Variants in FUT9 observed in about 807,000 individuals in gnomAD.
FUT9 encodes the protein 4-galactosyl-N-acetylglucosaminide 3-alpha-L-fucosyltransferase 9.
FUT9 carries 15 observed loss-of-function variants against 29.7 expected under a neutral mutation model. The observed-to-expected ratio is 0.51, with a 90% CI of 0.34 to 0.78. FUT9 has a LOEUF of 0.78. FUT9 is among the 30% of genes least tolerant of loss of function. The pLI is 0.01. For missense variants in FUT9, 319 were observed against 425.4 expected (o/e 0.75, Z 2.20); for synonymous variants, 169 against 153.7 (o/e 1.10, Z -0.74).
chr6:96,173,090 C>T (rs1773142462), intron 2 of FUT9, among the ~76,000 whole-genome samples: 1 of 152,062 alleles, frequency 6.6e-6, no homozygotes, highest in African/African-American at 2.4e-5. Context: ...AGTAATTACA[C>T]AGACACACAT....
chr6:96,086,268 G>A (rs547055907), intron 1 of FUT9, among the ~76,000 whole-genome samples: 8 of 152,164 alleles, frequency 5.3e-5, no homozygotes, highest in South Asian at 2.1e-4. Context: ...TGTTCCTTCC[G>A]TTTGCATTTA....
At chr6:96,084,759 C>G (rs1771288907) in intron 1 of FUT9, among the ~76,000 whole-genome samples, 2 of 152,250 alleles carry the variant, frequency 1.3e-5, no homozygotes, top group South Asian at 4.1e-4. Flanking sequence ...ACTTAGCACA[C>G]TATGGTCTTC....
intron 2 of FUT9, among the ~76,000 whole-genome samples, chr6:96,175,418 G>A (rs1012309263): frequency 1.3e-5 from 2 of 152,098 alleles, no homozygotes; most frequent in Admixed American, 6.6e-5. Flanking sequence ...GCTAATAAAT[G>A]TGTAAGCTAT....
chr6:96,035,250 A>C (rs1770329485), intron 1 of FUT9, among the ~76,000 whole-genome samples: 1 of 151,570 alleles, frequency 6.6e-6, no homozygotes, highest in South Asian at 2.1e-4. Flanking sequence ...GGACAAAGTC[A>C]GAGAGAGAGA....
intron 1 of FUT9, among the ~76,000 whole-genome samples, chr6:96,088,597 G>T (rs980683181): frequency 2.6e-5 from 4 of 151,312 alleles, no homozygotes; most frequent in African/African-American, 9.7e-5. Context: ...ATATTGGATA[G>T]TTTCTATTGT....
At chr6:96,135,431 A>C (rs1217889512) in intron 2 of FUT9, among the ~76,000 whole-genome samples, 1 of 151,976 alleles carries the variant, frequency 6.6e-6, no homozygotes, top group Non-Finnish European at 1.5e-5. Flanking sequence ...GTGTTAAAGA[A>C]GGAATGGCAA....
chr6:96,045,972 A>G (rs1770556340), intron 1 of FUT9, among the ~76,000 whole-genome samples: 1 of 152,174 alleles, frequency 6.6e-6, no homozygotes, highest in Non-Finnish European at 1.5e-5. Flanking sequence ...AGCTTTCCAA[A>G]TACATCAATC....
In FUT9 at chr6:96,204,131, C is replaced by T; in HGVS notation, c.976C>T (p.Leu326Phe). The change falls in exon 3 of 3, where the codon CTT becomes TTT. Residue 326 changes from leucine (L) to phenylalanine (F), a missense_variant. Leu to Phe is a conservative substitution (Grantham distance 22, BLOSUM62 0). Coordinates refer to ENST00000302103, the MANE Select transcript of FUT9 (RefSeq NM_006581.4). ...FNWRKDFTVNLPRFWESHACL... is the reference protein window; with the variant it reads ...FNWRKDFTVNFPRFWESHACL... ...CTGGAGGAAGGATTTCACTGTAAAT[C>T]TTCCACGATTTTGGGAATCACATGC... 6.7e-7 allele frequency: 1 copy of T among 1,497,734 alleles called. No homozygotes were observed. The highest frequency in any genetic ancestry group is 8.9e-7 in the Non-Finnish European group (1 of 1,123,022). The allele number at this position is 1,497,734 out of a possible 1,614,324, so 92.8% of individuals were successfully genotyped here.
At chr6:96,194,621 A>G (rs1773585087) in intron 2 of FUT9, among the ~76,000 whole-genome samples, 1 of 152,054 alleles carries the variant, frequency 6.6e-6, no homozygotes, top group Non-Finnish European at 1.5e-5. Context: ...TAGTTGCCCT[A>G]CCTTATCATC....
At chr6:96,168,116 G>A (rs1299333050) in intron 2 of FUT9, among the ~76,000 whole-genome samples, 2 of 152,092 alleles carry the variant, frequency 1.3e-5, no homozygotes, top group African/African-American at 4.8e-5. Flanking sequence ...GAGAAGACTG[G>A]GTAGAACATT....
At chr6:96,098,895 G>T (rs1771543346) in intron 1 of FUT9, among the ~76,000 whole-genome samples, 1 of 152,112 alleles carries the variant, frequency 6.6e-6, no homozygotes, top group Non-Finnish European at 1.5e-5. Context: ...TTTTCCCTGA[G>T]ATACTGTTGT....
chr6:96,169,355 G>C (rs879311329), intron 2 of FUT9, among the ~76,000 whole-genome samples: 2 of 152,312 alleles, frequency 1.3e-5, no homozygotes, highest in Admixed American at 1.3e-4. Flanking sequence ...GGTTATTTGA[G>C]AGTTCAGTGA....
At chr6:96,066,778 C>T (rs6939658) in intron 1 of FUT9, among the ~76,000 whole-genome samples, 4 of 151,672 alleles carry the variant, frequency 2.6e-5, no homozygotes, top group African/African-American at 9.7e-5. Context: ...GCATTACTTG[C>T]GGAATAGACA....
chr6:96,039,103 C>T (rs954875541), intron 1 of FUT9, among the ~76,000 whole-genome samples: 4 of 152,114 alleles, frequency 2.6e-5, no homozygotes, highest in African/African-American at 9.7e-5. Context: ...AGAGTAGATG[C>T]ATGACTTTCC....
intron 2 of FUT9, among the ~76,000 whole-genome samples, chr6:96,121,383 T>A (rs535832675): frequency 1.3e-5 from 2 of 152,270 alleles, no homozygotes; most frequent in East Asian, 3.9e-4. Context: ...TTAAGTTTTA[T>A]TTTTAGAGAC....
At chr6:96,174,334 T>G (rs2127984029) in intron 2 of FUT9, among the ~76,000 whole-genome samples, 1 of 152,260 alleles carries the variant, frequency 6.6e-6, no homozygotes, top group Admixed American at 6.5e-5. Context: ...CTAATAACTG[T>G]TTTCAAGCAT....
intron 2 of FUT9, among the ~76,000 whole-genome samples, chr6:96,168,881 G>A (rs1773060604): frequency 6.6e-6 from 1 of 152,138 alleles, no homozygotes; most frequent in Non-Finnish European, 1.5e-5. Flanking sequence ...GAGGTGATGG[G>A]ACTTACTGTA....
chr6:96,172,317 C>T (rs984832222), intron 2 of FUT9, among the ~76,000 whole-genome samples: 44 of 152,282 alleles, frequency 2.9e-4, no homozygotes, highest in African/African-American at 9.6e-4. Flanking sequence ...TCTGCGTGAG[C>T]TAACTTGAAT....
intron 1 of FUT9, among the ~76,000 whole-genome samples, chr6:96,078,579 C>A (rs143073794): frequency 0.028 from 4,280 of 151,666 alleles, 73 homozygotes; most frequent in East Asian, 0.079. Context: ...TGCCACTACG[C>A]CCGGCTAATT....
Sources: allele counts gnomAD v4.1 joint callset (sites outside exome capture counted in the v4.1 genomes callset), GRCh38; gene constraint gnomAD v4.1.1; transcripts MANE v1.5; gene names NCBI Gene and HGNC (gene_info 2026-07-23, HGNC 2026-07-21).